BCL2L12: variants seen among roughly 807,000 people sequenced by gnomAD.
BCL2L12 encodes the protein BCL2 like 12, also known as bcl-2-like protein 12.
In BCL2L12, 27 loss-of-function variants were observed where a neutral mutation model predicts 25.7. That is an observed-to-expected ratio of 1.05 (90% confidence interval 0.78 to 1.45). The LOEUF (loss-of-function observed/expected upper bound fraction) is 1.45, where lower values mean the gene tolerates loss of function less well. BCL2L12 is among the 40% of genes most tolerant of loss of function. The pLI is 0.00. For missense variants in BCL2L12, 302 were observed against 329.8 expected, an observed-to-expected ratio of 0.92 and a Z score of 0.65; for synonymous variants, 132 against 145.6, an observed-to-expected ratio of 0.91 and a Z score of 0.67.
rs1358310179 is a variant in BCL2L12, at chr19:49,673,915, T to C, written c.*167T>C. 1.8e-5 allele frequency: 12 copies of C among 679,700 alleles called. No homozygotes were observed. The allele number at this position is 679,700 out of a possible 1,614,324, so 42.1% of individuals were successfully genotyped here. A position where few individuals can be genotyped will look rare whatever the true frequency, so the allele number is the denominator to read the frequency against. On this transcript the variant is annotated 3_prime_UTR_variant, in exon 7 of 7. Transcript: ENST00000246784. ...TTTTCTTATTAAAAACGTTACAAAG[T>C]ATTCAATTGTCTGTTCTTACACTTG...
intron 3 of BCL2L12, 39 bp downstream of exon 3, chr19:49,667,200 C>T: frequency 6.2e-7 from 1 of 1,602,784 alleles, no homozygotes; most frequent in Non-Finnish European, 8.5e-7. Flanking sequence ...GCCGGCAGAA[C>T]ACGGGATAAG....
rs781771402 is a variant in BCL2L12 at position 49,668,957 on chromosome 19, C to T, written c.337+20C>T. The T allele has an allele frequency of 2.5e-6, 4 of 1,614,014 alleles. No homozygotes were observed. The highest frequency in any genetic ancestry group is 3.4e-6 in the Non-Finnish European group (4 of 1,179,904). ...GCCCAGGTGAGGCACAGAGGAGCCC[C>T]AGAGAAGGATGGCGGTGGGAGGATA... On this transcript the variant is annotated intron_variant, in intron 4 of 6. Coordinates refer to ENST00000246784, the MANE Select transcript of BCL2L12 (RefSeq NM_138639.2).
chr19:49,668,889 C>G lies in BCL2L12; in HGVS notation c.289C>G (p.Arg97Gly). Residue 97 changes from arginine to glycine, a missense_variant, in exon 4 of 7, where the codon CGG (arginine) becomes GGG (glycine). Coordinates refer to ENST00000246784, the MANE Select transcript of BCL2L12 (RefSeq NM_138639.2). The part of the protein sequence containing the change: ...TPDFYALVAQ[R>G]LEQLVQEQLK... ...AGACTTCTATGCTTTGGTGGCCCAG[C>G]GGCTGGAACAGCTGGTCCAAGAGCA... is the stretch of plus-strand genomic sequence containing the variant. The G allele has an allele frequency of 6.2e-7, 1 of 1,613,510 alleles. No individual in the cohort carries two copies. The highest frequency in any genetic ancestry group is 8.5e-7 in the Non-Finnish European group (1 of 1,179,944).
At chr19:49,669,818 G>A (rs1017717854) in intron 5 of BCL2L12, among the ~76,000 whole-genome samples, 3 of 152,270 alleles carry the variant, frequency 2.0e-5, no homozygotes, top group East Asian at 1.9e-4. Context: ...TTGTGGCTGT[G>A]TCCTGGAATC....
At chr19:49,668,210 C>T (rs949119579) in intron 3 of BCL2L12, among the ~76,000 whole-genome samples, 9 of 151,974 alleles carry the variant, frequency 5.9e-5, no homozygotes, top group African/African-American at 2.2e-4. Context: ...ATTCTCCTGC[C>T]TCAGCCTCCC....
upstream of BCL2L12, chr19:49,665,701 A>C: frequency 7.4e-7 from 1 of 1,351,272 alleles, no homozygotes; most frequent in Non-Finnish European, 1.0e-6. Flanking sequence ...GTAGCTCTCA[A>C]ACTCGAGGCT....
At chr19:49,671,970 C>G (rs1383763469) in intron 6 of BCL2L12, 4 of 152,396 alleles carry the variant, frequency 2.6e-5, no homozygotes, top group African/African-American at 9.7e-5. Flanking sequence ...CACTTTGGGC[C>G]TTCCAACAGA....
intron 1 of BCL2L12, among the ~76,000 whole-genome samples, 172 bp from the exon 2 acceptor site, chr19:49,666,513 G>A (rs2081771948): frequency 6.6e-6 from 1 of 152,050 alleles, no homozygotes; most frequent in Non-Finnish European, 1.5e-5. Context: ...TCTTTTTCCT[G>A]ATCGCTTTTT....
chr19:49,670,174 G>C, intron 5 of BCL2L12, 42 bp from the exon 6 acceptor site: 4 of 1,581,524 alleles, frequency 2.5e-6, no homozygotes, highest in Non-Finnish European at 2.6e-6. Context: ...GGCTGGCCCC[G>C]GGGGCGCTGC....
Position 49,670,397 on chromosome 19 carries a change from G to C in BCL2L12, c.611G>C (p.Arg204Pro), listed in dbSNP as rs1192084318. The stretch of plus-strand genomic sequence containing the variant: ...CTGGCCCTAGCCATGGAGCTGAGCC[G>C]GCGCGTGGCCGGGCTGGGGGGCACC... ...ARLALAMELSRRVAGLGGTLA... is the reference protein window; with the variant it reads ...ARLALAMELSPRVAGLGGTLA... Residue 204 changes from arginine (R) to proline (P), a missense_variant, in exon 6 of 7, where the codon CGG becomes CCG. Transcript: ENST00000246784. 1.3e-6 allele frequency: 2 copies of C among 1,555,292 alleles called. No individual in the cohort carries two copies. Among genetic ancestry groups the C allele is most frequent in the Non-Finnish European group, 1.7e-6 (2 of 1,153,878 alleles).
chr19:49,665,557 C>G, upstream of BCL2L12: 1 of 427,694 alleles, frequency 2.3e-6, no homozygotes, highest in Non-Finnish European at 4.3e-6. Context: ...TTCCACTCTC[C>G]GTGCAGACCC....
Position 49,673,689 on chromosome 19 carries a change from C to T in BCL2L12, c.703-9C>T, listed in dbSNP as rs148317833. On this transcript the variant is annotated splice_polypyrimidine_tract_variant and intron_variant, in intron 6 of 6. Transcript: ENST00000246784. ...CTGCTCACAGGGCTCTGCCACTTTTCCCTTCCAGGAGGGCATCCTGGCTGT... is the reference window on the plus strand; with the variant it reads ...CTGCTCACAGGGCTCTGCCACTTTTTCCTTCCAGGAGGGCATCCTGGCTGT... 3.6e-3 allele frequency: 5,753 copies of T among 1,613,138 alleles called. 19 individuals are homozygous for T. The highest frequency in any genetic ancestry group is 7.1e-3 in the Middle Eastern group (43 of 6,060).
At chr19:49,665,721 CT>C (rs2122761611), upstream of BCL2L12, 3 of 1,456,504 alleles carry the variant, frequency 2.1e-6, no homozygotes, top group African/African-American at 1.4e-5. Context: ...TGCGCACCCC[CT>C]TTCCCGTCAG....
upstream of BCL2L12, chr19:49,665,644 T>C (rs956311743): frequency 1.3e-6 from 1 of 748,428 alleles, no homozygotes; most frequent in Non-Finnish European, 2.1e-6. Context: ...CGATGGAAGG[T>C]CGGGGCGTGC....
chr19:49,668,608 G>A (rs892348316), intron 3 of BCL2L12, among the ~76,000 whole-genome samples: 5 of 151,924 alleles, frequency 3.3e-5, no homozygotes, highest in South Asian at 2.1e-4. Flanking sequence ...TGGGCAACAC[G>A]GTGAAACCCC....
intron 1 of BCL2L12, 38 bp downstream of exon 1, chr19:49,666,105 A>G (rs2081739712): frequency 1.3e-6 from 2 of 1,525,692 alleles, no homozygotes; most frequent in Admixed American, 4.0e-5. Context: ...GTGAGGAGGG[A>G]AGAGGAGGGG....
chr19:49,667,000 C>G lies in BCL2L12; in HGVS notation c.108-19C>G. 6.2e-7 allele frequency: 1 copy of G among 1,612,080 alleles called. No homozygotes were observed. ...AGGGGATCTCTGGTGGGGTCAGTCT[C>G]TGAAGTCCTCCTCTCCAGAAGCCCT... is the stretch of plus-strand genomic sequence containing the variant. On this transcript the variant is annotated intron_variant, in intron 2 of 6. Transcript: ENST00000246784.
intron 3 of BCL2L12, among the ~76,000 whole-genome samples, chr19:49,668,092 CTTTTT>C (rs764611836): frequency 3.2e-5 from 4 of 125,384 alleles, no homozygotes; most frequent in Admixed American, 8.1e-5. Flanking sequence ...CTCTGACATT[CTTTTT>C]TTTTTTTTTT....
chr19:49,665,714 G>T (rs746495940), upstream of BCL2L12: 9 of 1,414,056 alleles, frequency 6.4e-6, no homozygotes, highest in East Asian at 1.9e-4. Context: ...TCGAGGCTGC[G>T]CACCCCCTTT....
Sources: gnomAD v4.1 joint callset for allele counts (sites outside exome capture counted in the v4.1 genomes callset) on GRCh38, gnomAD v4.1.1 for gene constraint, MANE v1.5 for transcripts, NCBI Gene and HGNC (gene_info 2026-07-23, HGNC 2026-07-21) for gene names.